The following TRAPPC9 variants were observed in gnomAD, a reference collection of about 807,000 sequenced individuals.
The protein encoded by TRAPPC9 is trafficking protein particle complex subunit 9.
A neutral mutation model predicts 124.0 loss-of-function variants in TRAPPC9; 83 were observed. That is an observed-to-expected ratio of 0.67 (90% confidence interval 0.56 to 0.80). The LOEUF (loss-of-function observed/expected upper bound fraction) is 0.80, where lower values mean the gene tolerates loss of function less well. TRAPPC9 is among the 30% of genes least tolerant of loss of function. The pLI is 0.00. For missense variants in TRAPPC9, 1,302 were observed against 1,508.3 expected, an observed-to-expected ratio of 0.86 and a Z score of 2.27; for synonymous variants, 638 against 617.5, an observed-to-expected ratio of 1.03 and a Z score of -0.49.
intron 5 of TRAPPC9, among the ~76,000 whole-genome samples, chr8:140,408,443 CA>C (rs200587990): frequency 6.6e-6 from 1 of 151,072 alleles, no homozygotes; most frequent in Non-Finnish European, 1.5e-5. Context: ...TAAGATAAAG[CA>C]AAAAAAAGAA....
intron 7 of TRAPPC9, among the ~76,000 whole-genome samples, chr8:140,378,196 G>A (rs1164843444): frequency 3.3e-5 from 5 of 152,084 alleles, no homozygotes; most frequent in Non-Finnish European, 5.9e-5. Context: ...GATTGGTTTT[G>A]TTTCCTTCTG....
At chr8:139,885,089 T>C (rs2131110556) in intron 21 of TRAPPC9, among the ~76,000 whole-genome samples, 1 of 152,256 alleles carries the variant, frequency 6.6e-6, no homozygotes, top group South Asian at 2.1e-4. Context: ...ACCTCTTGGG[T>C]AAAGAAGAGG....
intron 11 of TRAPPC9, among the ~76,000 whole-genome samples, chr8:140,298,904 C>A (rs2065886793): frequency 6.6e-6 from 1 of 152,228 alleles, no homozygotes; most frequent in Admixed American, 6.5e-5. Context: ...GAGACAGCAG[C>A]TGCACACAGC....
At chr8:140,397,565 T>A in intron 7 of TRAPPC9, 55 bp downstream of exon 7, 1 of 1,608,000 alleles carries the variant, frequency 6.2e-7, no homozygotes, top group South Asian at 1.1e-5. Context: ...TCATAGTGAA[T>A]CAATTCCGTA....
chr8:140,339,758 T>C (rs1312717105), intron 9 of TRAPPC9, among the ~76,000 whole-genome samples: 6 of 152,360 alleles, frequency 3.9e-5, no homozygotes, highest in African/African-American at 1.4e-4. Context: ...GCTTATCTTA[T>C]TCTCACATGG....
chr8:140,275,919 A>G lies in TRAPPC9; in HGVS notation c.2115-98T>C, dbSNP rs75395789. On this transcript the variant is annotated intron_variant, in intron 14 of 22. Transcript: ENST00000438773. Reference sequence around the variant, plus strand: ...CAAAGAAGAATCACCATACTCATGCATTTCAGAAACAGGGGCTAGGAAATC... The same window carrying G: ...CAAAGAAGAATCACCATACTCATGCGTTTCAGAAACAGGGGCTAGGAAATC... 3.0e-3 allele frequency: 2,957 copies of G among 1,001,398 alleles called. 39 individuals carry two copies. In the African/African-American group the frequency reaches 0.041, roughly 14 times the overall value. The allele number at this position is 1,001,398 out of a possible 1,614,324, so 62.0% of individuals were successfully genotyped here.
intron 9 of TRAPPC9, among the ~76,000 whole-genome samples, chr8:140,323,071 G>A (rs754666675): frequency 3.9e-5 from 6 of 152,174 alleles, no homozygotes; most frequent in Non-Finnish European, 8.8e-5. Flanking sequence ...CACCACGGGG[G>A]ACGGGAGAGA....
intron 16 of TRAPPC9, among the ~76,000 whole-genome samples, chr8:140,249,643 A>G (rs866278025): frequency 6.0e-4 from 71 of 118,608 alleles, no homozygotes; most frequent in South Asian, 1.6e-3. Context: ...TCGCTCTGTC[A>G]CCCAGGCTGG....
chr8:140,253,532 A>G (rs567563564), intron 15 of TRAPPC9, among the ~76,000 whole-genome samples: 2 of 152,212 alleles, frequency 1.3e-5, no homozygotes, highest in East Asian at 3.9e-4. Context: ...TACAAAATTT[A>G]GCCAGTGTGG....
chr8:139,804,550 C>T (rs1823873797), intron 21 of TRAPPC9, among the ~76,000 whole-genome samples: 1 of 132,812 alleles, frequency 7.5e-6, no homozygotes, highest in Non-Finnish European at 1.6e-5. Flanking sequence ...CCACCCACCA[C>T]CGCCACCAAG....
At chr8:140,199,115 T>C (rs1389244150) in intron 17 of TRAPPC9, among the ~76,000 whole-genome samples, 3 of 152,140 alleles carry the variant, frequency 2.0e-5, no homozygotes, top group African/African-American at 4.8e-5. Flanking sequence ...GGGAGCTGTA[T>C]GGCTCACAGC....
intron 7 of TRAPPC9, among the ~76,000 whole-genome samples, chr8:140,379,127 A>G (rs1326118385): frequency 1.3e-5 from 2 of 150,692 alleles, no homozygotes; most frequent in East Asian, 3.9e-4. Context: ...ATTAAAAAAC[A>G]TTGCTCAGTC....
rs1817731799 is a variant in TRAPPC9 at position 139,730,177 on chromosome 8, G to A, written c.*884C>T. Among the ~76,000 whole-genome samples the A allele has an allele frequency of 6.6e-6, 1 of 152,166 alleles. No homozygotes were observed. The highest frequency in any genetic ancestry group is 1.5e-5 in the Non-Finnish European group (1 of 68,030). On this transcript the variant is annotated 3_prime_UTR_variant, in exon 23 of 23. Coordinates refer to ENST00000438773, the MANE Select transcript of TRAPPC9 (RefSeq NM_001160372.4). ...CCTTCCACCTCCCAGACAAGCTGCT[G>A]GTGACCAGATTCCTGTCTCAGCGTT...
At chr8:139,846,862 C>T (rs966763002) in intron 21 of TRAPPC9, among the ~76,000 whole-genome samples, 2 of 152,234 alleles carry the variant, frequency 1.3e-5, no homozygotes, top group African/African-American at 4.8e-5. Flanking sequence ...ACTGTACAGG[C>T]AGGCTGTGCA....
intron 19 of TRAPPC9, among the ~76,000 whole-genome samples, chr8:139,988,274 G>T (rs145658703): frequency 6.6e-6 from 1 of 151,728 alleles, no homozygotes; most frequent in Non-Finnish European, 1.5e-5. Flanking sequence ...CACCATGCCC[G>T]GGTAGTTTTT....
At chr8:140,408,046 T>C (rs560626384) in intron 5 of TRAPPC9, among the ~76,000 whole-genome samples, 59 of 152,264 alleles carry the variant, frequency 3.9e-4, no homozygotes, top group Non-Finnish European at 7.8e-4. Context: ...GTCAGACCAA[T>C]TTAATTTCAT....
At chr8:140,436,676 G>A (rs2070826206) in intron 3 of TRAPPC9, among the ~76,000 whole-genome samples, 1 of 152,182 alleles carries the variant, frequency 6.6e-6, no homozygotes, top group Non-Finnish European at 1.5e-5. Flanking sequence ...AGCGCCGCAT[G>A]GGGAAGGCAT....
At chr8:139,802,750 C>T (rs1300623084) in intron 21 of TRAPPC9, among the ~76,000 whole-genome samples, 1 of 152,190 alleles carries the variant, frequency 6.6e-6, no homozygotes, top group Non-Finnish European at 1.5e-5. Flanking sequence ...GAAAAAGTGA[C>T]TGTCAGTGCC....
chr8:140,384,039 C>G (rs2068686013), intron 7 of TRAPPC9, among the ~76,000 whole-genome samples: 1 of 152,056 alleles, frequency 6.6e-6, no homozygotes, highest in African/African-American at 2.4e-5. Context: ...AGTTTCAACC[C>G]AGAATTTCAT....
Sources: allele counts gnomAD v4.1 joint callset (sites outside exome capture counted in the v4.1 genomes callset), GRCh38; gene constraint gnomAD v4.1.1; transcripts MANE v1.5; gene names NCBI Gene and HGNC (gene_info 2026-07-23, HGNC 2026-07-21).